The following ATP10B variants were observed in gnomAD, a reference collection of about 807,000 sequenced individuals.
ATP10B encodes the protein ATPase phospholipid transporting 10B (putative), also known as phospholipid-transporting ATPase VB.
Under a neutral mutation model 141.2 loss-of-function variants are expected in ATP10B, and 122 were observed. The observed-to-expected ratio is 0.86, with a 90% CI of 0.75 to 1.00. The LOEUF is 1.00. Ranked by LOEUF, ATP10B falls within the 50% of genes least tolerant of loss-of-function variation. The pLI is 0.00. For synonymous variants in ATP10B, 685 were observed against 692.0 expected, an observed-to-expected ratio of 0.99 and a Z score of 0.16; for missense variants, 1,876 against 1,825.3, an observed-to-expected ratio of 1.03 and a Z score of -0.51.
the ATP10B span, among the ~76,000 whole-genome samples, chr5:160,885,288 A>T: frequency 0.013 from 1,914 of 152,320 alleles, 39 homozygotes; most frequent in African/African-American, 0.044. Flanking sequence ...CAAGGAGCAC[A>T]CTGTGATTCT....
the ATP10B span, among the ~76,000 whole-genome samples, chr5:160,904,908 G>T: frequency 6.6e-6 from 1 of 152,192 alleles, no homozygotes; most frequent in African/African-American, 2.4e-5. Flanking sequence ...AAGGGGATTT[G>T]GAGAATATTG....
intron 2 of ATP10B, among the ~76,000 whole-genome samples, chr5:160,773,946 G>A (rs1770093475): frequency 6.6e-6 from 1 of 152,120 alleles, no homozygotes; most frequent in Admixed American, 6.5e-5. Context: ...GAAAGCTCAT[G>A]GGTCATTTGC....
At chr5:160,632,573 A>T in intron 12 of ATP10B, 1 of 336,140 alleles carries the variant, frequency 3.0e-6, no homozygotes, top group Non-Finnish European at 5.5e-6. Flanking sequence ...CCTACTAGTT[A>T]TGTGACTTTG....
At chr5:160,637,774 G>C (rs1759528927) in intron 10 of ATP10B, among the ~76,000 whole-genome samples, 1 of 152,238 alleles carries the variant, frequency 6.6e-6, no homozygotes, top group Non-Finnish European at 1.5e-5. Flanking sequence ...AAAAGGCATA[G>C]AGGATGTTGC....
intron 2 of ATP10B, among the ~76,000 whole-genome samples, chr5:160,736,021 T>C (rs1194157761): frequency 6.6e-6 from 1 of 152,084 alleles, no homozygotes; most frequent in Non-Finnish European, 1.5e-5. Context: ...TAACTATAAG[T>C]GCCTATAAAG....
chr5:160,890,435 G>A, the ATP10B span, among the ~76,000 whole-genome samples: 4 of 152,120 alleles, frequency 2.6e-5, no homozygotes, highest in African/African-American at 9.7e-5. Context: ...CCATTAAGCA[G>A]TCACTCCCTA....
intron 6 of ATP10B, among the ~76,000 whole-genome samples, chr5:160,674,735 T>C (rs1191160594): frequency 6.6e-6 from 1 of 151,680 alleles, no homozygotes; most frequent in Non-Finnish European, 1.5e-5. Flanking sequence ...ATAATAAAGC[T>C]ATGAGATCCA....
At chr5:160,611,633 A>G (rs906761598) in intron 18 of ATP10B, among the ~76,000 whole-genome samples, 1 of 152,178 alleles carries the variant, frequency 6.6e-6, no homozygotes. Flanking sequence ...TTTTATTTTT[A>G]AAAAAGAGGT....
chr5:160,670,451 A>G lies in ATP10B; in HGVS notation c.675+12T>C, dbSNP rs1028021458. Reference sequence around the variant, plus strand: ...ATGACTTTACCATTGAAGATATTAGAAAGAGCCCTACCTGCTGTGAGAAGC... The same window carrying G: ...ATGACTTTACCATTGAAGATATTAGGAAGAGCCCTACCTGCTGTGAGAAGC... On this transcript the variant is annotated intron_variant, in intron 7 of 25. Coordinates refer to ENST00000327245, the MANE Select transcript of ATP10B (RefSeq NM_025153.3). The G allele has an allele frequency of 3.1e-6, 5 of 1,613,724 alleles. No homozygotes were observed. The African/African-American group carries it at 4.0e-5, about 13-fold the overall frequency.
chr5:160,880,226 A>AAATGT, the ATP10B span, among the ~76,000 whole-genome samples: 97 of 145,310 alleles, frequency 6.7e-4, no homozygotes, highest in Non-Finnish European at 1.2e-3. Flanking sequence ...AATATAAATA[A>AAATGT]AATATAAATA....
intron 1 of ATP10B, among the ~76,000 whole-genome samples, chr5:160,796,789 C>T (rs1581549050): frequency 6.6e-6 from 1 of 152,126 alleles, no homozygotes; most frequent in Admixed American, 6.5e-5. Flanking sequence ...ACACAGGTAC[C>T]TCCCACCTGC....
chr5:160,891,345 C>A, the ATP10B span, among the ~76,000 whole-genome samples: 1 of 152,148 alleles, frequency 6.6e-6, no homozygotes, highest in East Asian at 1.9e-4. Context: ...TCCTTCACCC[C>A]CAGTGATTTT....
the ATP10B span, among the ~76,000 whole-genome samples, chr5:160,925,456 GC>G: frequency 1.3e-5 from 2 of 152,202 alleles, no homozygotes; most frequent in Non-Finnish European, 2.9e-5. Context: ...TGGGAAAATT[GC>G]CCAAGGTCAC....
At position 160,791,818 on chromosome 5, in the gene ATP10B, A is replaced by G. The variant is rs368618102; in HGVS notation, c.-575-6015T>C. 2.0e-4 allele frequency among the ~76,000 whole-genome samples: 31 copies of G among 152,306 alleles called. No individual in the cohort carries two copies. In the South Asian group the frequency reaches 6.2e-3, roughly 31 times the overall value. ...CACTCAACTAAAAGTTAGGATTCTT[A>G]TCACTAAGGAAATAAGAGAATGGAC... is the stretch of plus-strand genomic sequence containing the variant. On this transcript the variant is annotated intron_variant, in intron 1 of 25. Coordinates refer to ENST00000327245, the MANE Select transcript of ATP10B (RefSeq NM_025153.3).
intron 1 of ATP10B, among the ~76,000 whole-genome samples, chr5:160,787,105 G>GACACACACACACACACAC (rs58517660): frequency 7.5e-6 from 1 of 133,570 alleles, no homozygotes; most frequent in African/African-American, 2.6e-5. Context: ...TTTTGACACA[G>GACACACACACACACACAC]ACACACACAC....
chr5:160,764,033 A>G (rs1381148108), intron 2 of ATP10B, among the ~76,000 whole-genome samples: 1 of 152,208 alleles, frequency 6.6e-6, no homozygotes, highest in Admixed American at 6.5e-5. Flanking sequence ...TGAACAGACC[A>G]ATAACAAGTA....
intron 3 of ATP10B, among the ~76,000 whole-genome samples, chr5:160,699,832 G>T (rs1031044985): frequency 6.6e-6 from 1 of 152,146 alleles, no homozygotes; most frequent in African/African-American, 2.4e-5. Context: ...TTTGGTGTCT[G>T]TGTTGGCAGA....
chr5:160,928,688 T>C, the ATP10B span, among the ~76,000 whole-genome samples: 8,776 of 152,272 alleles, frequency 0.058, 401 homozygotes, highest in East Asian at 0.24. Flanking sequence ...TTATGATTTT[T>C]ATTAGGCACC....
chr5:160,900,413 TG>T, the ATP10B span, among the ~76,000 whole-genome samples: 1 of 152,224 alleles, frequency 6.6e-6, no homozygotes, highest in Non-Finnish European at 1.5e-5. Flanking sequence ...AGCAAAACGA[TG>T]CAGTGACAAG....
Sources: allele counts gnomAD v4.1 joint callset (sites outside exome capture counted in the v4.1 genomes callset), GRCh38; gene constraint gnomAD v4.1.1; transcripts MANE v1.5; gene names NCBI Gene and HGNC (gene_info 2026-07-23, HGNC 2026-07-21).